The following CACNB2 variants were observed in gnomAD, a reference collection of about 807,000 sequenced individuals.
CACNB2 encodes voltage-dependent L-type calcium channel subunit beta-2.
Under a neutral mutation model 73.3 loss-of-function variants are expected in CACNB2, and 42 were observed. That is an observed-to-expected ratio of 0.57 (90% CI 0.45 to 0.74). The LOEUF is 0.74. CACNB2 is among the 30% of genes least tolerant of loss of function. The pLI, the probability that CACNB2 is intolerant of heterozygous loss-of-function variation, is 0.00. For missense variants in CACNB2, 940 were observed against 853.0 expected (o/e 1.10, Z -1.27); for synonymous variants, 348 against 310.3 (o/e 1.12, Z -1.28).
At chr10:18,481,970 A>G (rs1032027121) in intron 3 of CACNB2, among the ~76,000 whole-genome samples, 6 of 152,154 alleles carry the variant, frequency 3.9e-5, no homozygotes, top group Non-Finnish European at 7.4e-5. Context: ...GCTTACTGCA[A>G]CCTGTGCCTC....
chr10:18,214,294 A>C (rs2035429585), intron 2 of CACNB2, among the ~76,000 whole-genome samples: 1 of 75,714 alleles, frequency 1.3e-5, no homozygotes, highest in African/African-American at 3.1e-5. Context: ...CTACTTCTGC[A>C]TCCATTTGTA....
chr10:18,344,081 A>T (rs2041347218), intron 2 of CACNB2, among the ~76,000 whole-genome samples: 1 of 150,040 alleles, frequency 6.7e-6, no homozygotes, highest in African/African-American at 2.5e-5. Context: ...AAAAAAAAAA[A>T]AAGAAAGTTA....
At chr10:18,145,552 C>A (rs1326558787) in intron 1 of CACNB2, among the ~76,000 whole-genome samples, 1 of 151,662 alleles carries the variant, frequency 6.6e-6, no homozygotes, top group Non-Finnish European at 1.5e-5. Context: ...TTTTATTTTT[C>A]TCTCTCTTTT....
At chr10:18,415,010 A>T (rs1195212023) in intron 3 of CACNB2, among the ~76,000 whole-genome samples, 1 of 152,250 alleles carries the variant, frequency 6.6e-6, no homozygotes, top group Non-Finnish European at 1.5e-5. Context: ...AATGTATTTA[A>T]TTAGCAAACA....
rs566135279 is a variant in CACNB2, at chr10:18,526,860, G to C, written c.945-728G>C. Reference sequence around the variant, plus strand: ...TCACAGCAATGAACTATGGCACAGAGACTAGGAATATAGGGTCAGGAGTCT... The same window carrying C: ...TCACAGCAATGAACTATGGCACAGACACTAGGAATATAGGGTCAGGAGTCT... On this transcript the variant is annotated intron_variant, in intron 9 of 13. Coordinates refer to ENST00000324631, the MANE Select transcript of CACNB2 (RefSeq NM_201596.3). 6.6e-5 allele frequency among the ~76,000 whole-genome samples: 10 copies of C among 152,260 alleles called. No individual in the cohort carries two copies. In the South Asian group the frequency reaches 1.5e-3, roughly 22 times the overall value.
intron 2 of CACNB2, among the ~76,000 whole-genome samples, chr10:18,220,110 A>AATATATAT (rs1165921150): frequency 3.4e-4 from 11 of 32,736 alleles, no homozygotes; most frequent in Admixed American, 5.2e-4. Flanking sequence ...TTTATTTTTT[A>AATATATAT]ATATATATAT....
intron 3 of CACNB2, among the ~76,000 whole-genome samples, chr10:18,456,322 G>GAAAATAGGAAAA: frequency 6.6e-6 from 1 of 152,078 alleles, no homozygotes; most frequent in Non-Finnish European, 1.5e-5. Flanking sequence ...AATTAGCCAG[G>GAAAATAGGAAAA]TGTGGTGGTA....
At chr10:18,471,322 A>G (rs2048177324) in intron 3 of CACNB2, among the ~76,000 whole-genome samples, 1 of 152,218 alleles carries the variant, frequency 6.6e-6, no homozygotes, top group Non-Finnish European at 1.5e-5. Flanking sequence ...GAAAGAAAGG[A>G]AGAAAGGTAT....
intron 3 of CACNB2, among the ~76,000 whole-genome samples, chr10:18,486,274 A>G (rs1045772731): frequency 1.3e-5 from 2 of 152,186 alleles, no homozygotes; most frequent in Non-Finnish European, 2.9e-5. Context: ...CGTTCAAATT[A>G]TTAGCTTCAC....
intron 3 of CACNB2, among the ~76,000 whole-genome samples, chr10:18,417,206 T>C (rs1422154921): frequency 6.6e-6 from 1 of 151,978 alleles, no homozygotes; most frequent in Non-Finnish European, 1.5e-5. Flanking sequence ...TGCAATTTTT[T>C]TTTGCTGTTG....
chr10:18,307,983 CTTTTTT>C (rs869311555), intron 2 of CACNB2, among the ~76,000 whole-genome samples: 38 of 70,238 alleles, frequency 5.4e-4, no homozygotes, highest in African/African-American at 1.1e-3. Context: ...TATATGCCAA[CTTTTTT>C]TTTTTTTTTT....
At position 18,271,199 on chromosome 10, in the gene CACNB2, GT is replaced by G. The variant is rs200142665; in HGVS notation, c.213+120226del. ...ATGCATAAAGTAGAAGAGAAATTTGGTTGCTACAGTTTGCAACTATGTAATC... is the reference window on the plus strand; with the variant it reads ...ATGCATAAAGTAGAAGAGAAATTTGGTGCTACAGTTTGCAACTATGTAATC... On this transcript the variant is annotated intron_variant, in intron 2 of 13. Transcript: ENST00000324631. 5.3e-5 allele frequency among the ~76,000 whole-genome samples: 8 copies of G among 152,310 alleles called. No homozygotes were observed. In the East Asian group the frequency reaches 1.5e-3, roughly 29 times the overall value.
chr10:18,296,827 T>A (rs902314170), intron 2 of CACNB2, among the ~76,000 whole-genome samples: 7 of 152,182 alleles, frequency 4.6e-5, no homozygotes, highest in African/African-American at 1.7e-4. Context: ...AGACAATGTA[T>A]TATAGTGAGA....
At chr10:18,187,043 G>A (rs1453200504) in intron 2 of CACNB2, among the ~76,000 whole-genome samples, 1 of 152,088 alleles carries the variant, frequency 6.6e-6, no homozygotes, top group Non-Finnish European at 1.5e-5. Context: ...GCTAAGAAGG[G>A]AGGGTATAGG....
At chr10:18,263,309 A>G (rs948091197) in intron 2 of CACNB2, among the ~76,000 whole-genome samples, 1 of 152,166 alleles carries the variant, frequency 6.6e-6, no homozygotes, top group Non-Finnish European at 1.5e-5. Context: ...GAGGCTGCTC[A>G]TTGAATACAA....
chr10:18,232,161 A>G (rs1355481134), intron 2 of CACNB2, among the ~76,000 whole-genome samples: 1 of 152,354 alleles, frequency 6.6e-6, no homozygotes, highest in East Asian at 1.9e-4. Context: ...ATTTAAAACC[A>G]TAGTGAGAAG....
At chr10:18,210,301 A>G (rs535651986) in intron 2 of CACNB2, among the ~76,000 whole-genome samples, 27 of 152,360 alleles carry the variant, frequency 1.8e-4, no homozygotes, top group Non-Finnish European at 3.5e-4. Context: ...ATGTATATAC[A>G]TGCAGGTACA....
At chr10:18,243,139 G>T (rs1023354689) in intron 2 of CACNB2, among the ~76,000 whole-genome samples, 1 of 151,942 alleles carries the variant, frequency 6.6e-6, no homozygotes, top group African/African-American at 2.4e-5. Flanking sequence ...TAAAACAAAT[G>T]TATGAAACAT....
chr10:18,184,594 A>G (rs1441531163), intron 2 of CACNB2, among the ~76,000 whole-genome samples: 1 of 146,830 alleles, frequency 6.8e-6, no homozygotes, highest in East Asian at 2.0e-4. Context: ...GTCACATTAC[A>G]TTTAGGATAC....
Sources: gnomAD v4.1 joint callset for allele counts (sites outside exome capture counted in the v4.1 genomes callset) on GRCh38, gnomAD v4.1.1 for gene constraint, MANE v1.5 for transcripts, NCBI Gene and HGNC (gene_info 2026-07-23, HGNC 2026-07-21) for gene names.